The following COL5A2 variants were observed in gnomAD, a reference collection of about 807,000 sequenced individuals.
COL5A2 encodes collagen alpha-2(V) chain.
In COL5A2, 23 loss-of-function variants were observed where a neutral mutation model predicts 208.2. That is an observed-to-expected ratio of 0.11 (90% CI 0.08 to 0.16). The LOEUF is 0.16. COL5A2 is among the 10% of genes least tolerant of loss of function. The pLI, the probability that COL5A2 is intolerant of heterozygous loss-of-function variation, is 1.00. For missense variants in COL5A2, 1,590 were observed against 1,956.4 expected, an observed-to-expected ratio of 0.81 and a Z score of 3.53; for synonymous variants, 625 against 628.5, an observed-to-expected ratio of 0.99 and a Z score of 0.08.
chr2:189,117,911 T>C (rs1194405271), intron 1 of COL5A2, among the ~76,000 whole-genome samples: 1 of 152,166 alleles, frequency 6.6e-6, no homozygotes, highest in Non-Finnish European at 1.5e-5. Flanking sequence ...AGGATCATAG[T>C]AAATGCTCAA....
At chr2:189,332,813 C>A in the COL5A2 span, among the ~76,000 whole-genome samples, 4 of 152,130 alleles carry the variant, frequency 2.6e-5, no homozygotes, top group African/African-American at 9.7e-5. Context: ...TGGGGCCCTG[C>A]TGAAAAGATA....
At chr2:189,341,447 C>T in the COL5A2 span, among the ~76,000 whole-genome samples, 9 of 152,110 alleles carry the variant, frequency 5.9e-5, no homozygotes, top group East Asian at 1.5e-3. Context: ...CAATGTGCAA[C>T]AGTTATCATT....
chr2:189,066,087 C>G (rs1268104028), intron 23 of COL5A2, among the ~76,000 whole-genome samples: 1 of 152,230 alleles, frequency 6.6e-6, no homozygotes, highest in Non-Finnish European at 1.5e-5. Flanking sequence ...TACCTCTCCA[C>G]TAAAATAAAC....
At chr2:189,382,600 C>T in the COL5A2 span, among the ~76,000 whole-genome samples, 5 of 152,226 alleles carry the variant, frequency 3.3e-5, no homozygotes, top group East Asian at 3.9e-4. Context: ...CTGTTACGCA[C>T]GTCCATATAA....
chr2:189,287,849 A>C, the COL5A2 span, among the ~76,000 whole-genome samples: 1 of 152,202 alleles, frequency 6.6e-6, no homozygotes, highest in African/African-American at 2.4e-5. Context: ...TAAATTAAGC[A>C]GAAAATCCAC....
intron 6 of COL5A2, among the ~76,000 whole-genome samples, chr2:189,093,109 G>A (rs1206855072): frequency 1.3e-5 from 2 of 152,198 alleles, no homozygotes; most frequent in African/African-American, 4.8e-5. Flanking sequence ...TCTCAGAGAA[G>A]TGAGCAATGA....
At chr2:189,139,613 G>C (rs373036831) in intron 1 of COL5A2, among the ~76,000 whole-genome samples, 15 of 152,262 alleles carry the variant, frequency 9.9e-5, no homozygotes, top group Non-Finnish European at 1.9e-4. Flanking sequence ...TCTAACTAAA[G>C]TATGACTCTA....
the COL5A2 span, among the ~76,000 whole-genome samples, chr2:189,234,727 T>C: frequency 1.3e-5 from 2 of 151,802 alleles, no homozygotes; most frequent in Non-Finnish European, 1.5e-5. Flanking sequence ...GCAAATTACA[T>C]AATGCATACT....
intron 1 of COL5A2, among the ~76,000 whole-genome samples, chr2:189,145,461 T>A (rs993145306): frequency 5.9e-5 from 9 of 152,286 alleles, no homozygotes; most frequent in African/African-American, 1.9e-4. Flanking sequence ...TTCACTTGCA[T>A]AACCCCAAAT....
At chr2:189,139,568 A>C (rs975301984) in intron 1 of COL5A2, among the ~76,000 whole-genome samples, 11 of 152,296 alleles carry the variant, frequency 7.2e-5, no homozygotes, top group African/African-American at 2.6e-4. Flanking sequence ...GGGATCCTGG[A>C]ACAGAAAGAG....
the COL5A2 span, among the ~76,000 whole-genome samples, chr2:189,337,268 C>T: frequency 2.7e-5 from 4 of 150,058 alleles, no homozygotes; most frequent in Admixed American, 1.3e-4. Flanking sequence ...CTGCAAGCTC[C>T]GCCTCCCGGG....
chr2:189,281,432 T>G, the COL5A2 span, among the ~76,000 whole-genome samples: 3 of 152,192 alleles, frequency 2.0e-5, no homozygotes, highest in Non-Finnish European at 4.4e-5. Context: ...TTGCAATGAA[T>G]GGAGCTGCTT....
At chr2:189,077,543 G>T (rs1282120770) in intron 16 of COL5A2, among the ~76,000 whole-genome samples, 4 of 152,284 alleles carry the variant, frequency 2.6e-5, no homozygotes, top group Middle Eastern at 3.4e-3. Flanking sequence ...ACCTCCCTTG[G>T]CAGACAGTAG....
intron 2 of COL5A2, among the ~76,000 whole-genome samples, chr2:189,106,929 G>A (rs1169560404): frequency 2.7e-5 from 4 of 150,634 alleles, no homozygotes; most frequent in Admixed American, 6.6e-5. Flanking sequence ...TGGAATAATC[G>A]CCACTTTTTC....
At chr2:189,283,303 G>A in the COL5A2 span, among the ~76,000 whole-genome samples, 1 of 151,704 alleles carries the variant, frequency 6.6e-6, no homozygotes, top group African/African-American at 2.4e-5. Flanking sequence ...GACAACAAAG[G>A]CAGCAAAGGA....
At chr2:189,278,275 T>G in the COL5A2 span, among the ~76,000 whole-genome samples, 1 of 152,170 alleles carries the variant, frequency 6.6e-6, no homozygotes, top group African/African-American at 2.4e-5. Flanking sequence ...AAAACTTGCT[T>G]AATTTCTGGA....
the COL5A2 span, among the ~76,000 whole-genome samples, chr2:189,432,710 A>G: frequency 4.6e-5 from 7 of 152,346 alleles, no homozygotes; most frequent in East Asian, 9.6e-4. Context: ...AAAGAGACTT[A>G]GACTCCCACA....
intron 1 of COL5A2, among the ~76,000 whole-genome samples, chr2:189,147,721 AG>A (rs1688066969): frequency 6.6e-6 from 1 of 152,174 alleles, no homozygotes; most frequent in African/African-American, 2.4e-5. Context: ...TAACGTCTCT[AG>A]AAAAAACATT....
chr2:189,052,731 A>C lies in COL5A2; in HGVS notation c.2715+18T>G, dbSNP rs781686307. The C allele has an allele frequency of 1.2e-5, 19 of 1,613,154 alleles. No homozygotes were observed. Among genetic ancestry groups the C allele is most frequent in the African/African-American group, 2.7e-5 (2 of 74,922 alleles). ...AGAATTAGCTGTGCATACTTTGCAG[A>C]GCATCAAATAAACTTACAGGCGGAC... On this transcript the variant is annotated intron_variant, in intron 40 of 53. Transcript: ENST00000374866.
Sources: allele counts gnomAD v4.1 joint callset (sites outside exome capture counted in the v4.1 genomes callset), GRCh38; gene constraint gnomAD v4.1.1; transcripts MANE v1.5; gene names NCBI Gene and HGNC (gene_info 2026-07-23, HGNC 2026-07-21).